Variants in KCND2 observed in about 807,000 individuals in gnomAD.
KCND2 encodes the protein potassium voltage-gated channel subfamily D member 2, also known as A-type voltage-gated potassium channel KCND2.
Under a neutral mutation model 54.4 loss-of-function variants are expected in KCND2, and 16 were observed. That is an observed-to-expected ratio of 0.29 (90% confidence interval 0.20 to 0.45). The LOEUF (loss-of-function observed/expected upper bound fraction) is 0.45. KCND2 is among the 20% of genes least tolerant of loss of function. The pLI is 1.00. For missense variants in KCND2, 486 were observed against 824.2 expected (o/e 0.59, Z 5.02); for synonymous variants, 317 against 310.7 (o/e 1.02, Z -0.21).
intron 1 of KCND2, among the ~76,000 whole-genome samples, chr7:120,292,251 CTGA>C (rs1347837080): frequency 6.6e-6 from 1 of 151,808 alleles, no homozygotes; most frequent in Non-Finnish European, 1.5e-5. Flanking sequence ...ACACATTTCT[CTGA>C]TAAGAAAGCA....
intron 1 of KCND2, among the ~76,000 whole-genome samples, chr7:120,593,556 G>A (rs545993319): frequency 6.6e-6 from 1 of 152,132 alleles, no homozygotes; most frequent in African/African-American, 2.4e-5. Context: ...CTAATAGACA[G>A]GTAAGAAAAA....
chr7:120,365,556 GT>G (rs1319509902), intron 1 of KCND2, among the ~76,000 whole-genome samples: 1 of 152,124 alleles, frequency 6.6e-6, no homozygotes, highest in East Asian at 1.9e-4. Context: ...ACAGCCAATG[GT>G]TTAGTCAATG....
At chr7:120,395,534 A>G (rs1266764100) in intron 1 of KCND2, among the ~76,000 whole-genome samples, 1 of 152,044 alleles carries the variant, frequency 6.6e-6, no homozygotes, top group East Asian at 1.9e-4. Flanking sequence ...TGATCTGGTG[A>G]TCAGAGAAGC....
chr7:120,340,369 C>A (rs1392742926), intron 1 of KCND2, among the ~76,000 whole-genome samples: 1 of 152,162 alleles, frequency 6.6e-6, no homozygotes, highest in Non-Finnish European at 1.5e-5. Flanking sequence ...ATGAAGCCAG[C>A]ATGTTTGTTT....
At chr7:120,745,672 C>T in intron 4 of KCND2, 108 bp from the exon 5 acceptor site, 3 of 1,138,810 alleles carry the variant, frequency 2.6e-6, no homozygotes, top group South Asian at 1.3e-5. Flanking sequence ...ACCATTGTAT[C>T]AAGTCTAACT....
At chr7:120,333,370 C>G (rs1800095086) in intron 1 of KCND2, among the ~76,000 whole-genome samples, 1 of 151,890 alleles carries the variant, frequency 6.6e-6, no homozygotes, top group Admixed American at 6.6e-5. Context: ...CTCATCTCAC[C>G]CAGGGTTAGT....
At chr7:120,324,859 G>C (rs917089929) in intron 1 of KCND2, among the ~76,000 whole-genome samples, 1 of 146,638 alleles carries the variant, frequency 6.8e-6, no homozygotes, top group Non-Finnish European at 1.5e-5. Flanking sequence ...AGCTTGATGG[G>C]GATGGCATTG....
chr7:120,289,333 A>C (rs1799401812), intron 1 of KCND2, among the ~76,000 whole-genome samples: 1 of 152,074 alleles, frequency 6.6e-6, no homozygotes. Flanking sequence ...ATATGCAATA[A>C]AATGGAAATC....
At chr7:120,506,343 C>T (rs7789614) in intron 1 of KCND2, among the ~76,000 whole-genome samples, 8,010 of 151,736 alleles carry the variant, frequency 0.053, 719 homozygotes, top group African/African-American at 0.18. Flanking sequence ...GAGCACCATA[C>T]GAAATGATGC....
chr7:120,519,635 A>G (rs2116344901), intron 1 of KCND2, among the ~76,000 whole-genome samples: 1 of 152,306 alleles, frequency 6.6e-6, no homozygotes, highest in South Asian at 2.1e-4. Context: ...TTGTCTTTTA[A>G]GCCACTGACT....
chr7:120,718,969 A>G (rs552594832), intron 1 of KCND2, among the ~76,000 whole-genome samples: 1 of 152,206 alleles, frequency 6.6e-6, no homozygotes, highest in East Asian at 1.9e-4. Flanking sequence ...TCTTTCCTTC[A>G]CTGGAAGATC....
chr7:120,679,419 T>TA (rs1315208188), intron 1 of KCND2, among the ~76,000 whole-genome samples: 2 of 152,006 alleles, frequency 1.3e-5, no homozygotes, highest in Non-Finnish European at 2.9e-5. Context: ...AGGGCAGAAT[T>TA]AAAAAATTCT....
At chr7:120,540,036 A>G (rs1224678907) in intron 1 of KCND2, among the ~76,000 whole-genome samples, 1 of 152,126 alleles carries the variant, frequency 6.6e-6, no homozygotes, top group Non-Finnish European at 1.5e-5. Flanking sequence ...ATTTTCTTCA[A>G]CAAAATTAGC....
chr7:120,281,789 C>CGCCATGGAGAGCTCCTTA (rs1799267800), intron 1 of KCND2, among the ~76,000 whole-genome samples: 1 of 152,148 alleles, frequency 6.6e-6, no homozygotes, highest in African/African-American at 2.4e-5. Flanking sequence ...GGCACTTGTA[C>CGCCATGGAGAGCTCCTTA]GCCATGGAGA....
At chr7:120,308,430 C>CT (rs1245416879) in intron 1 of KCND2, among the ~76,000 whole-genome samples, 1 of 152,050 alleles carries the variant, frequency 6.6e-6, no homozygotes, top group African/African-American at 2.4e-5. Flanking sequence ...TTCAGTTTGT[C>CT]TTTTGAGAAC....
At chr7:120,339,657 G>T (rs183384828) in intron 1 of KCND2, among the ~76,000 whole-genome samples, 15 of 152,098 alleles carry the variant, frequency 9.9e-5, no homozygotes, top group African/African-American at 3.4e-4. Context: ...CTAGGCACTT[G>T]GGTTACATTA....
At chr7:120,697,157 G>C (rs1792342351) in intron 1 of KCND2, among the ~76,000 whole-genome samples, 1 of 152,116 alleles carries the variant, frequency 6.6e-6, no homozygotes, top group South Asian at 2.1e-4. Context: ...TCTAATTACA[G>C]ATATGGTTTA....
intron 1 of KCND2, among the ~76,000 whole-genome samples, chr7:120,699,047 G>T (rs191987448): frequency 6.6e-6 from 1 of 152,104 alleles, no homozygotes; most frequent in African/African-American, 2.4e-5. Flanking sequence ...TTGGGAGGCC[G>T]AGGTGGGCGG....
intron 1 of KCND2, among the ~76,000 whole-genome samples, chr7:120,348,427 T>C (rs1321446076): frequency 1.3e-5 from 2 of 152,172 alleles, no homozygotes; most frequent in Non-Finnish European, 2.9e-5. Flanking sequence ...TATTAAAATA[T>C]TGACAAGACT....
Sources: gnomAD v4.1 joint callset for allele counts (sites outside exome capture counted in the v4.1 genomes callset) on GRCh38, gnomAD v4.1.1 for gene constraint, MANE v1.5 for transcripts, NCBI Gene and HGNC (gene_info 2026-07-23, HGNC 2026-07-21) for gene names.